Variants in FRMD4A observed in about 807,000 individuals in gnomAD.
FRMD4A encodes FERM domain-containing protein 4A.
Under a neutral mutation model 129.1 loss-of-function variants are expected in FRMD4A, and 29 were observed. The observed-to-expected ratio is 0.22, with a 90% confidence interval of 0.17 to 0.31. FRMD4A has a LOEUF of 0.31. Ranked by LOEUF, FRMD4A falls within the 10% of genes least tolerant of loss-of-function variation. The pLI, the probability that FRMD4A is intolerant of heterozygous loss-of-function variation, is 1.00. For synonymous variants in FRMD4A, 634 were observed against 571.6 expected (o/e 1.11, Z -1.56); for missense variants, 1,272 against 1,375.8 (o/e 0.92, Z 1.19).
chr10:13,660,495 A>G lies in FRMD4A; in HGVS notation c.1719T>C (p.Pro573=), dbSNP rs2082552879. Residue 573 remains proline, a synonymous_variant, in exon 20 of 25, where the codon CCT becomes CCC. Coordinates refer to ENST00000357447, the MANE Select transcript of FRMD4A (RefSeq NM_018027.5). ...SPLHSPHKGL[P]PRPPSHNRPP... is the part of the protein sequence containing the mutation. The stretch of plus-strand genomic sequence containing the variant: ...GCCTGTTGTGCGACGGTGGCCGAGG[A>G]GGGAGTCCCTTGTGAGGAGAATGTA... 6.2e-7 allele frequency: 1 copy of G among 1,613,882 alleles called. No individual in the cohort carries two copies.
At chr10:14,227,625 G>A (rs1843490915) in intron 2 of FRMD4A, among the ~76,000 whole-genome samples, 1 of 151,932 alleles carries the variant, frequency 6.6e-6, no homozygotes. Flanking sequence ...CCTGCATGAG[G>A]TGTCCTCTTT....
chr10:14,046,498 A>T (rs1281740422), intron 2 of FRMD4A, among the ~76,000 whole-genome samples: 1 of 152,244 alleles, frequency 6.6e-6, no homozygotes, highest in Non-Finnish European at 1.5e-5. Context: ...TTTCCAGGTC[A>T]ACTGAGCCCA....
chr10:13,647,860 G>C (rs779922533), intron 24 of FRMD4A: 2 of 151,558 alleles, frequency 1.3e-5, no homozygotes, highest in African/African-American at 4.8e-5. Context: ...ATCATGATTC[G>C]GAAAAACAGC....
At chr10:13,673,727 C>A (rs1377733628) in intron 16 of FRMD4A, among the ~76,000 whole-genome samples, 1 of 148,960 alleles carries the variant, frequency 6.7e-6, no homozygotes, top group Non-Finnish European at 1.5e-5. Flanking sequence ...CTTGCAGCAA[C>A]TTCTGTGAGA....
chr10:13,912,634 T>C (rs2131231289), intron 2 of FRMD4A, among the ~76,000 whole-genome samples: 1 of 149,720 alleles, frequency 6.7e-6, no homozygotes, highest in East Asian at 2.0e-4. Context: ...GTTCACGCCG[T>C]TTTCCTGCCT....
At chr10:13,971,106 A>G (rs1399658380) in intron 2 of FRMD4A, among the ~76,000 whole-genome samples, 1 of 152,182 alleles carries the variant, frequency 6.6e-6, no homozygotes, top group African/African-American at 2.4e-5. Flanking sequence ...ACACACACAC[A>G]CGTGCACACA....
chr10:13,999,141 G>A (rs1378717709), intron 2 of FRMD4A, among the ~76,000 whole-genome samples: 1 of 152,068 alleles, frequency 6.6e-6, no homozygotes, highest in East Asian at 1.9e-4. Context: ...CCACATGGCT[G>A]TGTGGCTTGC....
intron 2 of FRMD4A, among the ~76,000 whole-genome samples, chr10:14,306,740 T>A (rs909111444): frequency 6.6e-6 from 1 of 152,236 alleles, no homozygotes; most frequent in African/African-American, 2.4e-5. Flanking sequence ...AGTGGAGGTT[T>A]CTCTGTTTAA....
chr10:13,723,389 T>C (rs1564691724), intron 12 of FRMD4A, among the ~76,000 whole-genome samples: 1 of 152,272 alleles, frequency 6.6e-6, no homozygotes, highest in Non-Finnish European at 1.5e-5. Context: ...ATTCCACTTA[T>C]ATGAGTGTTC....
At chr10:14,175,305 C>G (rs1050493944) in intron 2 of FRMD4A, among the ~76,000 whole-genome samples, 2 of 152,136 alleles carry the variant, frequency 1.3e-5, no homozygotes, top group African/African-American at 4.8e-5. Context: ...TTCTTGTACT[C>G]ACAAGACATC....
At chr10:14,265,061 C>T (rs993659849) in intron 2 of FRMD4A, among the ~76,000 whole-genome samples, 2 of 152,186 alleles carry the variant, frequency 1.3e-5, no homozygotes, top group East Asian at 3.9e-4. Context: ...GGATTACAGG[C>T]GTGAGCCACT....
chr10:13,767,216 T>C (rs1173434229), intron 6 of FRMD4A, among the ~76,000 whole-genome samples: 2 of 152,162 alleles, frequency 1.3e-5, no homozygotes, highest in African/African-American at 4.8e-5. Flanking sequence ...CTTATCTGAC[T>C]TCTCCAGTGG....
intron 3 of FRMD4A, among the ~76,000 whole-genome samples, chr10:13,847,609 G>A (rs2094071775): frequency 6.6e-6 from 1 of 151,594 alleles, no homozygotes. Context: ...GCCTCCTCAT[G>A]TCCTCCTGGA....
intron 2 of FRMD4A, among the ~76,000 whole-genome samples, chr10:14,329,079 A>G (rs550565775): frequency 6.6e-6 from 1 of 152,278 alleles, no homozygotes; most frequent in Admixed American, 6.5e-5. Flanking sequence ...CAGGCTTCCC[A>G]CTGACGGCTC....
At chr10:14,142,453 C>A (rs1182428971) in intron 2 of FRMD4A, among the ~76,000 whole-genome samples, 1 of 152,214 alleles carries the variant, frequency 6.6e-6, no homozygotes, top group Non-Finnish European at 1.5e-5. Flanking sequence ...AAAAATTCAT[C>A]ATATGCCCTA....
chr10:13,833,014 C>T (rs577044363), intron 3 of FRMD4A, among the ~76,000 whole-genome samples: 7 of 152,250 alleles, frequency 4.6e-5, no homozygotes, highest in African/African-American at 7.2e-5. Context: ...GATGCCTTTC[C>T]GTGTACAGTC....
At chr10:13,907,153 A>G (rs1269519576) in intron 2 of FRMD4A, among the ~76,000 whole-genome samples, 1 of 152,166 alleles carries the variant, frequency 6.6e-6, no homozygotes, top group African/African-American at 2.4e-5. Context: ...CTAAAATTAT[A>G]TTTTACATCA....
At chr10:14,167,435 G>A (rs1199277129) in intron 2 of FRMD4A, among the ~76,000 whole-genome samples, 1 of 149,798 alleles carries the variant, frequency 6.7e-6, no homozygotes, top group African/African-American at 2.5e-5. Flanking sequence ...ATGAGGCTGA[G>A]GTTGAAGAAT....
chr10:14,046,052 T>C (rs1445107916), intron 2 of FRMD4A, among the ~76,000 whole-genome samples: 1 of 151,484 alleles, frequency 6.6e-6, no homozygotes, highest in Non-Finnish European at 1.5e-5. Context: ...TATTGAAAAG[T>C]ATATTTCAAT....
Sources: allele counts gnomAD v4.1 joint callset (sites outside exome capture counted in the v4.1 genomes callset), GRCh38; gene constraint gnomAD v4.1.1; transcripts MANE v1.5; gene names NCBI Gene and HGNC (gene_info 2026-07-23, HGNC 2026-07-21).